Variants in SLC20A2 observed in about 807,000 individuals in gnomAD.
SLC20A2 encodes the protein sodium-dependent phosphate transporter 2.
In SLC20A2, 30 loss-of-function variants were observed where a neutral mutation model predicts 61.0. The observed-to-expected ratio is 0.49, with a 90% confidence interval of 0.37 to 0.67. The LOEUF is 0.67. Ranked by LOEUF, SLC20A2 falls within the 30% of genes least tolerant of loss-of-function variation. The probability of loss-of-function intolerance (pLI) is 0.00; values close to 1 mark genes in which losing one functional copy is unlikely to be tolerated. For synonymous variants in SLC20A2, 351 were observed against 353.3 expected, an observed-to-expected ratio of 0.99 and a Z score of 0.07; for missense variants, 626 against 866.4, an observed-to-expected ratio of 0.72 and a Z score of 3.48.
chr8:42,473,309 A>G (rs1281244529), intron 1 of SLC20A2, among the ~76,000 whole-genome samples: 2 of 152,092 alleles, frequency 1.3e-5, no homozygotes, highest in East Asian at 3.8e-4. Context: ...AGGAAAAGCT[A>G]GAGGCCCCGC....
Position 42,472,040 on chromosome 8 carries a change from G to C in SLC20A2, c.289+62C>G. 1 of 1,474,390 alleles carries C rather than the reference G, an allele frequency of 6.8e-7. No homozygotes were observed. The highest frequency in any genetic ancestry group is 9.4e-7 in the Non-Finnish European group (1 of 1,064,136). The allele number at this position is 1,474,390 out of a possible 1,614,324, so 91.3% of individuals were successfully genotyped here. ...AATCACATTTATGGATATGGGCAAA[G>C]TACTGCAGGGAAGCGGGTCAGTGGG... On this transcript the variant is annotated intron_variant, in intron 2 of 10. Transcript: ENST00000520262. The surrounding 1 kb of genome is among the most constrained non-coding windows in gnomAD (Gnocchi z 4.1).
intron 1 of SLC20A2, among the ~76,000 whole-genome samples, chr8:42,508,153 G>T (rs968021939): frequency 6.6e-6 from 1 of 151,652 alleles, no homozygotes; most frequent in Admixed American, 6.6e-5. Flanking sequence ...AACAGAGCAA[G>T]ACTCTGTCTC....
chr8:42,426,041 A>C (rs1803390394), intron 10 of SLC20A2, among the ~76,000 whole-genome samples: 1 of 152,066 alleles, frequency 6.6e-6, no homozygotes, highest in South Asian at 2.1e-4. Flanking sequence ...ATCTCAAAAA[A>C]AAAACCTTAT....
intron 1 of SLC20A2, among the ~76,000 whole-genome samples, chr8:42,533,651 G>GTTTT (rs1554577829): frequency 1.0e-4 from 9 of 89,736 alleles, no homozygotes; most frequent in African/African-American, 3.8e-4. Context: ...ATGATCAACT[G>GTTTT]TTCTTTTTTT....
chr8:42,520,550 C>T (rs1243779780), intron 1 of SLC20A2, among the ~76,000 whole-genome samples: 1 of 113,320 alleles, frequency 8.8e-6, no homozygotes, highest in Admixed American at 9.0e-5. Context: ...CACAGTGAAA[C>T]CCCATCTCCA....
At chr8:42,531,816 C>CT (rs746692830) in intron 1 of SLC20A2, among the ~76,000 whole-genome samples, 7,339 of 139,176 alleles carry the variant, frequency 0.053, 507 homozygotes, top group African/African-American at 0.16. Flanking sequence ...TAAGTCTCTG[C>CT]TTTTTTTTTT....
chr8:42,480,358 G>A (rs779452927), intron 1 of SLC20A2: 3 of 151,978 alleles, frequency 2.0e-5, no homozygotes, highest in Admixed American at 6.6e-5. Context: ...TTTATCACTG[G>A]AAGACGCTTC....
intron 1 of SLC20A2, among the ~76,000 whole-genome samples, chr8:42,515,014 G>T (rs1349932917): frequency 1.3e-5 from 2 of 152,180 alleles, no homozygotes; most frequent in Non-Finnish European, 2.9e-5. Flanking sequence ...CAATAAACAT[G>T]TACTGTGCAC....
At chr8:42,486,222 C>T (rs978018799) in intron 1 of SLC20A2, among the ~76,000 whole-genome samples, 1 of 151,810 alleles carries the variant, frequency 6.6e-6, no homozygotes. Context: ...CCTAAAGAAC[C>T]TCCTTTAGTA....
At chr8:42,478,066 A>G (rs1391371492) in intron 1 of SLC20A2, among the ~76,000 whole-genome samples, 1 of 151,228 alleles carries the variant, frequency 6.6e-6, no homozygotes, top group East Asian at 2.0e-4. Flanking sequence ...TTGTATTTTT[A>G]GTAGAGACAC....
chr8:42,501,094 A>G lies in SLC20A2; in HGVS notation c.-328T>C. 1 of 152,214 alleles carries G rather than the reference A, an allele frequency of 6.6e-6. No homozygotes were observed. Among genetic ancestry groups the G allele is most frequent in the East Asian group, 1.9e-4 (1 of 5,192 alleles). The allele number at this position is 152,214 out of a possible 1,614,324, so 9.4% of individuals were successfully genotyped here. A position where few individuals can be genotyped will look rare whatever the true frequency, so the allele number is the denominator to read the frequency against. On this transcript the variant is annotated 5_prime_UTR_variant, in exon 1 of 11. Transcript: ENST00000520262. ...AGACTGCTCTCCTGATCACAAACAC[A>G]ATCTGAAGTCTAAAATAGATATCCT...
intron 5 of SLC20A2, among the ~76,000 whole-genome samples, chr8:42,447,878 G>A (rs1805350894): frequency 6.6e-6 from 1 of 152,158 alleles, no homozygotes; most frequent in African/African-American, 2.4e-5. Context: ...ACATCAGAAG[G>A]CTGACTCAGC....
chr8:42,438,083 A>C (rs1485249246), intron 7 of SLC20A2, among the ~76,000 whole-genome samples: 5 of 150,598 alleles, frequency 3.3e-5, no homozygotes, highest in South Asian at 2.1e-4. Flanking sequence ...AAAAAAAAAA[A>C]AAAAAACATG....
intron 1 of SLC20A2, among the ~76,000 whole-genome samples, chr8:42,488,363 T>C (rs911678347): frequency 1.3e-5 from 2 of 151,842 alleles, no homozygotes; most frequent in African/African-American, 4.8e-5. Flanking sequence ...TTTTTTTTTG[T>C]ATTTTTAGTA....
upstream of SLC20A2, among the ~76,000 whole-genome samples, chr8:42,505,215 C>G (rs1347847679): frequency 6.6e-6 from 1 of 151,886 alleles, no homozygotes; most frequent in Non-Finnish European, 1.5e-5. Context: ...CTCAAGCGAT[C>G]CTCCCACCTT....
At chr8:42,523,668 G>A (rs1442265348) in intron 1 of SLC20A2, among the ~76,000 whole-genome samples, 1 of 152,154 alleles carries the variant, frequency 6.6e-6, no homozygotes, top group Non-Finnish European at 1.5e-5. Context: ...TCTGATATCA[G>A]GGGTATTCTT....
intron 5 of SLC20A2, among the ~76,000 whole-genome samples, chr8:42,453,615 CT>C (rs1344981109): frequency 6.6e-6 from 1 of 152,152 alleles, no homozygotes; most frequent in East Asian, 1.9e-4. Flanking sequence ...GACAAAATAC[CT>C]TCAAGGCTTA....
At chr8:42,503,790 C>T (rs752969829), upstream of SLC20A2, among the ~76,000 whole-genome samples, 3 of 152,174 alleles carry the variant, frequency 2.0e-5, no homozygotes, top group East Asian at 1.9e-4. Context: ...ATCTTCCTGA[C>T]AACAGCTTTT....
Position 42,443,421 on chromosome 8 carries a change from T to C in SLC20A2, c.730+1225A>G, listed in dbSNP as rs567897709. 2.8e-4 allele frequency among the ~76,000 whole-genome samples: 42 copies of C among 151,034 alleles called. No homozygotes were observed. The South Asian group carries it at 8.4e-3, about 30-fold the overall frequency. On this transcript the variant is annotated intron_variant, in intron 6 of 10. Transcript: ENST00000520262. ...CCTCTGCCCCCCCGGGTTCAAGCAA[T>C]TCTCCTGTCTCAGCCTCCCGAGTAG... is the stretch of plus-strand genomic sequence containing the variant.
Sources: gnomAD v4.1 joint callset for allele counts (sites outside exome capture counted in the v4.1 genomes callset) on GRCh38, gnomAD v4.1.1 for gene constraint, Gnocchi (gnomAD v3.1) non-coding constraint, MANE v1.5 for transcripts, NCBI Gene and HGNC (gene_info 2026-07-23, HGNC 2026-07-21) for gene names.